Variants in ANKRA2 observed in about 807,000 individuals in gnomAD.
The protein encoded by ANKRA2 is ankyrin repeat family A protein 2.
In ANKRA2, 33 loss-of-function variants were observed where a neutral mutation model predicts 37.8. That is an observed-to-expected ratio of 0.87 (90% CI 0.66 to 1.17). The LOEUF (loss-of-function observed/expected upper bound fraction) is 1.17. Among genes scored for constraint, ANKRA2 ranks in the 50% most tolerant of loss-of-function variants. The pLI is 0.00. For missense variants in ANKRA2, 326 were observed against 373.7 expected, an observed-to-expected ratio of 0.87 and a Z score of 1.05; for synonymous variants, 126 against 132.3, an observed-to-expected ratio of 0.95 and a Z score of 0.33.
At chr5:73,564,031 T>C (rs1056607259) in intron 1 of ANKRA2, among the ~76,000 whole-genome samples, 3 of 151,780 alleles carry the variant, frequency 2.0e-5, no homozygotes, top group East Asian at 3.9e-4. Flanking sequence ...TCCATCACTC[T>C]GACCATTAAA....
chr5:73,564,602 A>G (rs923652313), intron 1 of ANKRA2, among the ~76,000 whole-genome samples: 5 of 152,242 alleles, frequency 3.3e-5, no homozygotes, highest in South Asian at 2.1e-4. Flanking sequence ...CTAGCTGGCC[A>G]CTCCTGGACA....
rs1480577166 is a variant in ANKRA2 at position 73,562,410 on chromosome 5, C to T, written c.289+183G>A. 5.8e-6 allele frequency: 3 copies of T among 514,582 alleles called. No individual in the cohort carries two copies. The East Asian group carries it at 1.0e-4, about 17-fold the overall frequency. The allele number at this position is 514,582 out of a possible 1,614,324, so 31.9% of individuals were successfully genotyped here. On this transcript the variant is annotated intron_variant, in intron 2 of 8. Transcript: ENST00000296785. Reference sequence around the variant, plus strand: ...TTTTAAAAAAATCAACATGTACTTCCTTTAAATTAGATATTATATAATCTG... The same window carrying T: ...TTTTAAAAAAATCAACATGTACTTCTTTTAAATTAGATATTATATAATCTG...
intron 4 of ANKRA2, 108 bp from the exon 5 acceptor site, chr5:73,555,693 C>T: frequency 1.0e-6 from 1 of 968,710 alleles, no homozygotes; most frequent in Non-Finnish European, 1.6e-6. Context: ...CAGTAAAGTT[C>T]ACTTTGTGCT....
At chr5:73,561,847 G>C (rs1747564935) in intron 2 of ANKRA2, among the ~76,000 whole-genome samples, 1 of 152,026 alleles carries the variant, frequency 6.6e-6, no homozygotes, top group African/African-American at 2.4e-5. Context: ...TATCCTAAGA[G>C]AATAGTTTTA....
chr5:73,553,557 T>C, intron 7 of ANKRA2, 71 bp from the exon 8 acceptor site: 27 of 1,273,248 alleles, frequency 2.1e-5, no homozygotes, highest in Non-Finnish European at 3.1e-5. Context: ...TTGGCTCATG[T>C]ACAAATAGCT....
chr5:73,555,659 T>C, intron 4 of ANKRA2, 74 bp from the exon 5 acceptor site: 9 of 1,316,286 alleles, frequency 6.8e-6, no homozygotes, highest in Non-Finnish European at 8.5e-6. Flanking sequence ...AAAACTGGCA[T>C]TCCAAAGAGC....
rs753402607 is a variant in ANKRA2, at chr5:73,557,537, T to C, written c.514+38A>G. On this transcript the variant is annotated intron_variant, in intron 4 of 8. Transcript: ENST00000296785. ...AAACAATAACAAATCTAATAAATCC[T>C]ATTGAATTTGTTTAAATATTTTTAA... is the stretch of plus-strand genomic sequence containing the variant. 61 of 1,382,896 alleles carry C rather than the reference T, an allele frequency of 4.4e-5. No individual in the cohort carries two copies. The East Asian group carries it at 1.5e-3, about 35-fold the overall frequency. The allele number at this position is 1,382,896 out of a possible 1,614,324, so 85.7% of individuals were successfully genotyped here. A position where few individuals can be genotyped will look rare whatever the true frequency, so the allele number is the denominator to read the frequency against.
Position 73,554,863 on chromosome 5 carries a change from AATCATATTCATTTAC to A in ANKRA2, c.721_735del (p.Val241_Asp245del), listed in dbSNP as rs1162571633. ...TAAATTTAGTATTACAAACTTACCC[AATCATATTCATTTAC>A]ATCAACTCCACAATCAAGCAGCATT... is the stretch of plus-strand genomic sequence containing the variant. On this transcript the variant is annotated inframe_deletion, in exon 6 of 9. Transcript: ENST00000296785. 1 of 1,612,500 alleles carries A rather than the reference AATCATATTCATTTAC, an allele frequency of 6.2e-7. No individual in the cohort carries two copies. Among genetic ancestry groups the A allele is most frequent in the African/African-American group, 1.3e-5 (1 of 74,942 alleles).
chr5:73,552,794 T>C lies in ANKRA2; in HGVS notation c.*3A>G. ...AAGGGCAGACATTTTCTGATGACTGTGTCTACTCCTTGATATTTTGAAGCA... is the reference window on the plus strand; with the variant it reads ...AAGGGCAGACATTTTCTGATGACTGCGTCTACTCCTTGATATTTTGAAGCA... On this transcript the variant is annotated 3_prime_UTR_variant, in exon 9 of 9. Coordinates refer to ENST00000296785, the MANE Select transcript of ANKRA2 (RefSeq NM_023039.5). 6.3e-7 allele frequency: 1 copy of C among 1,598,824 alleles called. No homozygotes were observed. The highest frequency in any genetic ancestry group is 8.6e-7 in the Non-Finnish European group (1 of 1,167,968).
rs1330563333 is a variant in ANKRA2, at chr5:73,561,131, A to G, written c.447T>C (p.Asn149=). Residue 149 remains asparagine, a splice_region_variant and synonymous_variant, in exon 3 of 9, where the codon AAT becomes AAC. Coordinates refer to ENST00000296785, the MANE Select transcript of ANKRA2 (RefSeq NM_023039.5). Reference sequence around the variant, plus strand: ...AATACATCAGTGGCAAATACTTACAATTTGCTAACAGAGGTGTGGTAGAGA... The same window carrying G: ...AATACATCAGTGGCAAATACTTACAGTTTGCTAACAGAGGTGTGGTAGAGA... ...NEVSTTPLLA[N]SLSVHQLAAQ... 6.2e-7 allele frequency: 1 copy of G among 1,607,734 alleles called. No individual in the cohort carries two copies. Among genetic ancestry groups the G allele is most frequent in the Non-Finnish European group, 8.5e-7 (1 of 1,178,398 alleles).
rs185418308 is a variant in ANKRA2, at chr5:73,557,484, G to A, written c.514+91C>T. ...TGAGTTTATGTAACTATTTGTTTTT[G>A]TCTTTAGGACTTTCTTATATTAAAA... On this transcript the variant is annotated intron_variant, in intron 4 of 8. Transcript: ENST00000296785. 1.3e-5 allele frequency: 7 copies of A among 539,178 alleles called. No homozygotes were observed. The East Asian group carries it at 4.4e-4, about 34-fold the overall frequency. The allele number at this position is 539,178 out of a possible 1,614,324, so 33.4% of individuals were successfully genotyped here. A position where few individuals can be genotyped will look rare whatever the true frequency, so the allele number is the denominator to read the frequency against.
intron 4 of ANKRA2, 53 bp downstream of exon 4, chr5:73,557,522 A>C: frequency 7.8e-7 from 1 of 1,274,108 alleles, no homozygotes; most frequent in South Asian, 1.6e-5. Flanking sequence ...AAACAATAAC[A>C]AATCTAATAA....
intron 7 of ANKRA2, 108 bp downstream of exon 7, chr5:73,554,214 T>C (rs1747334178): frequency 4.0e-6 from 4 of 991,652 alleles, no homozygotes; most frequent in South Asian, 2.9e-5. Context: ...GCAAGATTCA[T>C]GTATTTAACA....
At position 73,562,918 on chromosome 5, in the gene ANKRA2, T is replaced by A. The variant is rs1339535791; in HGVS notation, c.-37A>T. Reference sequence around the variant, plus strand: ...TAGTTTCAATAACTAAAACATTTCTTCATGATTTCCTCTTGGTTTTGTAAG... The same window carrying A: ...TAGTTTCAATAACTAAAACATTTCTACATGATTTCCTCTTGGTTTTGTAAG... On this transcript the variant is annotated 5_prime_UTR_variant, in exon 2 of 9. The change creates a premature stop within an existing upstream ORF in the 5' untranslated region. Transcript: ENST00000296785. 6.5e-7 allele frequency: 1 copy of A among 1,540,084 alleles called. No homozygotes were observed. The highest frequency in any genetic ancestry group is 8.8e-7 in the Non-Finnish European group (1 of 1,139,352).
chr5:73,564,006 C>T (rs1747632945), intron 1 of ANKRA2, among the ~76,000 whole-genome samples: 1 of 152,012 alleles, frequency 6.6e-6, no homozygotes, highest in Non-Finnish European at 1.5e-5. Context: ...TGAGGGCTTA[C>T]TCAGCTCTTC....
chr5:73,554,541 T>G, intron 6 of ANKRA2, 153 bp from the exon 7 acceptor site: 1 of 602,122 alleles, frequency 1.7e-6, no homozygotes, highest in Non-Finnish European at 2.9e-6. Context: ...AACTAATAAT[T>G]GAGTCTATGA....
Position 73,562,582 on chromosome 5 carries a change from T to G in ANKRA2, c.289+11A>C, listed in dbSNP as rs1474028104. On this transcript the variant is annotated intron_variant, in intron 2 of 8. Transcript: ENST00000296785. ...AAAACAAATGCAGATATTTATACCA[T>G]AACTTTCAACCTTTAAATAGGACAG... 2 of 1,589,582 alleles carry G rather than the reference T, an allele frequency of 1.3e-6. No homozygotes were observed. Among genetic ancestry groups the G allele is most frequent in the Non-Finnish European group, 1.7e-6 (2 of 1,168,242 alleles).
In ANKRA2 at chr5:73,555,034, G is replaced by T. The variant is rs751380541; in HGVS notation, c.613-48C>A. 3.2e-6 allele frequency: 5 copies of T among 1,582,114 alleles called. No homozygotes were observed. In the East Asian group the frequency reaches 9.0e-5, roughly 28 times the overall value. Reference sequence around the variant, plus strand: ...AAGACTTCTCAATTAGTTTAAACAAGAATATTGTTATTCCTGTCAACAATA... The same window carrying T: ...AAGACTTCTCAATTAGTTTAAACAATAATATTGTTATTCCTGTCAACAATA... On this transcript the variant is annotated intron_variant, in intron 5 of 8. Transcript: ENST00000296785.
chr5:73,553,356 T>C (rs1241937106), intron 8 of ANKRA2, 50 bp downstream of exon 8: 1 of 1,417,202 alleles, frequency 7.1e-7, no homozygotes, highest in Non-Finnish European at 9.9e-7. Flanking sequence ...TGGCTTATAC[T>C]ATTTACAGAG....
Sources: gnomAD v4.1 joint callset for allele counts (sites outside exome capture counted in the v4.1 genomes callset) on GRCh38, gnomAD v4.1.1 for gene constraint, MANE v1.5 for transcripts, NCBI Gene and HGNC (gene_info 2026-07-23, HGNC 2026-07-21) for gene names.